The following DYNC2I1 variants were observed in gnomAD, a reference collection of about 807,000 sequenced individuals.
DYNC2I1 encodes the protein dynein 2 intermediate chain 1.
DYNC2I1 carries 89 observed loss-of-function variants against 133.4 expected under a neutral mutation model. The ratio of observed to expected loss-of-function variants is 0.67; its 90% CI spans 0.56 to 0.80. The LOEUF (loss-of-function observed/expected upper bound fraction) is 0.80, where lower values mean the gene tolerates loss of function less well. Among genes scored for constraint, DYNC2I1 ranks in the 30% least tolerant of loss-of-function variants. The probability of loss-of-function intolerance (pLI) is 0.00; values close to 1 mark genes in which losing one functional copy is unlikely to be tolerated. For missense variants in DYNC2I1, 1,291 were observed against 1,314.5 expected, an observed-to-expected ratio of 0.98 and a Z score of 0.28; for synonymous variants, 504 against 484.3, an observed-to-expected ratio of 1.04 and a Z score of -0.54.
At chr7:158,889,507 ATTTCT>A (rs1844976825) in intron 7 of DYNC2I1, among the ~76,000 whole-genome samples, 1 of 151,980 alleles carries the variant, frequency 6.6e-6, no homozygotes, top group Non-Finnish European at 1.5e-5. Context: ...AAACGTATAG[ATTTCT>A]TTTCCTATTT....
chr7:158,952,370 C>T (rs944202553), intron 4 of DYNC2I1, among the ~76,000 whole-genome samples: 1 of 152,146 alleles, frequency 6.6e-6, no homozygotes, highest in Admixed American at 6.5e-5. Context: ...TCCCGCCTAC[C>T]TGAATTGGTA....
chr7:158,916,197 G>A (rs1848251067), intron 14 of DYNC2I1, among the ~76,000 whole-genome samples: 1 of 82,416 alleles, frequency 1.2e-5, no homozygotes, highest in South Asian at 3.4e-4. Flanking sequence ...TTGACATTAA[G>A]GATGATTGTG....
chr7:158,892,677 G>T (rs532459920), intron 8 of DYNC2I1, among the ~76,000 whole-genome samples: 1 of 151,928 alleles, frequency 6.6e-6, no homozygotes, highest in African/African-American at 2.4e-5. Flanking sequence ...CAGGTGTGAT[G>T]GCTCACCCCT....
intron 8 of DYNC2I1, among the ~76,000 whole-genome samples, chr7:158,897,046 C>T (rs201693825): frequency 8.0e-5 from 12 of 149,682 alleles, no homozygotes; most frequent in East Asian, 7.9e-4. Flanking sequence ...TGCAGTGGCA[C>T]GGTCTCAGAT....
intron 21 of DYNC2I1, among the ~76,000 whole-genome samples, chr7:158,933,752 A>C (rs1850461183): frequency 6.6e-6 from 1 of 152,250 alleles, no homozygotes. Flanking sequence ...ATGAGCTCAC[A>C]ACTACAAGCA....
intron 7 of DYNC2I1, 94 bp from the exon 8 acceptor site, chr7:158,891,171 G>A: frequency 7.2e-7 from 1 of 1,379,998 alleles, no homozygotes. Flanking sequence ...AGGGCTGGCG[G>A]GCTCCGCAGT....
the DYNC2I1 span, among the ~76,000 whole-genome samples, chr7:158,842,642 G>A: frequency 2.0e-5 from 3 of 152,306 alleles, no homozygotes; most frequent in Non-Finnish European, 2.9e-5. Flanking sequence ...CTTCCTTTTC[G>A]CTCATGTCAA....
chr7:158,926,123 GA>G (rs1849595694), intron 17 of DYNC2I1, 63 bp from the exon 18 acceptor site: 1 of 1,273,540 alleles, frequency 7.9e-7, no homozygotes, highest in Admixed American at 1.9e-5. Context: ...GTCCCTGTGT[GA>G]TGCGAACTGC....
Position 158,901,741 on chromosome 7 carries a change from A to T in DYNC2I1, c.1062A>T (p.Glu354Asp), listed in dbSNP as rs1270614973. The T allele has an allele frequency of 1.9e-6, 3 of 1,568,470 alleles. No individual in the cohort carries two copies. The Admixed American group carries it at 5.8e-5, about 30-fold the overall frequency. Reference sequence around the variant, plus strand: ...TTGTGTTTGATTTTTACCTCTAGGAAATTGAAAAGGAAGAAACTGATTTAG... The same window carrying T: ...TTGTGTTTGATTTTTACCTCTAGGATATTGAAAAGGAAGAAACTGATTTAG... ...DQRPGGEETV[E>D]IEKEETDLEN... Residue 354 changes from glutamate (E) to aspartate (D), a missense_variant and splice_region_variant, in exon 9 of 25, where the codon GAA (glutamate) becomes GAT (aspartate). Glu to Asp is a conservative substitution (Grantham distance 45). Transcript: ENST00000407559.
At chr7:158,924,669 A>G (rs1667668224) in intron 17 of DYNC2I1, among the ~76,000 whole-genome samples, 1 of 152,200 alleles carries the variant, frequency 6.6e-6, no homozygotes, top group African/African-American at 2.4e-5. Context: ...TGCTGCTATT[A>G]CTAAAAAATT....
chr7:158,886,097 A>G (rs2129480464), intron 6 of DYNC2I1, among the ~76,000 whole-genome samples: 1 of 150,674 alleles, frequency 6.6e-6, no homozygotes, highest in East Asian at 1.9e-4. Context: ...AGTATTTCAG[A>G]TAGACCAATA....
intron 5 of DYNC2I1, among the ~76,000 whole-genome samples, chr7:158,880,463 G>A (rs1458281121): frequency 6.6e-6 from 1 of 152,070 alleles, no homozygotes; most frequent in East Asian, 1.9e-4. Flanking sequence ...CTGGAATCTG[G>A]GAAGGAGAAT....
In DYNC2I1 at chr7:158,871,444, A is replaced by G. The variant is rs1842866192; in HGVS notation, c.372A>G (p.Glu124=). The change falls in exon 3 of 25, where the codon GAA becomes GAG. Residue 124 remains glutamate, a synonymous_variant. Coordinates refer to ENST00000407559, the MANE Select transcript of DYNC2I1 (RefSeq NM_018051.5). The part of the protein sequence containing the change: ...SHSRGKDREK[E]KDRRARKEEL... ...GCAGAGGAAAGGACAGGGAAAAAGA[A>G]AAAGACAGAAGGGCCCGGAAGGAAG... 3 of 1,550,934 alleles carry G rather than the reference A, an allele frequency of 1.9e-6. No individual in the cohort carries two copies. Among genetic ancestry groups the G allele is most frequent in the Non-Finnish European group, 2.6e-6 (3 of 1,146,972 alleles).
intron 3 of DYNC2I1, among the ~76,000 whole-genome samples, chr7:158,876,321 C>G (rs1174848367): frequency 1.3e-5 from 2 of 152,176 alleles, no homozygotes; most frequent in African/African-American, 4.8e-5. Flanking sequence ...TCACCTCCCA[C>G]CAGGTCCCAC....
chr7:158,958,563 G>A (rs753492676), downstream of DYNC2I1, among the ~76,000 whole-genome samples: 1 of 152,222 alleles, frequency 6.6e-6, no homozygotes, highest in African/African-American at 2.4e-5. Flanking sequence ...TAGTTCAGGG[G>A]TGGGGTTTAA....
rs915870443 is a variant in DYNC2I1, at chr7:158,914,228, T to C, written c.1703-5T>C. On this transcript the variant is annotated splice_polypyrimidine_tract_variant and splice_region_variant and intron_variant, in intron 13 of 24. Transcript: ENST00000407559. ...CGTTGATTTTATATAAACTGTTTTTTTTAGGCAGTGAACAAAGAGATACCT... is the reference window on the plus strand; with the variant it reads ...CGTTGATTTTATATAAACTGTTTTTCTTAGGCAGTGAACAAAGAGATACCT... The C allele has an allele frequency of 6.2e-7, 1 of 1,606,844 alleles. No individual in the cohort carries two copies. The highest frequency in any genetic ancestry group is 8.5e-7 in the Non-Finnish European group (1 of 1,176,126).
At chr7:158,854,422 G>A (rs1048147945), upstream of DYNC2I1, among the ~76,000 whole-genome samples, 1 of 146,642 alleles carries the variant, frequency 6.8e-6, no homozygotes, top group African/African-American at 2.5e-5. Context: ...AACACCGCAT[G>A]TTCTCACTCA....
At chr7:158,850,655 T>C in the DYNC2I1 span, among the ~76,000 whole-genome samples, 1 of 152,208 alleles carries the variant, frequency 6.6e-6, no homozygotes, top group Non-Finnish European at 1.5e-5. Context: ...CTGTGGAGCA[T>C]TTACTGGGGC....
the DYNC2I1 span, among the ~76,000 whole-genome samples, chr7:158,847,277 T>C: frequency 1.3e-5 from 2 of 152,180 alleles, no homozygotes; most frequent in South Asian, 4.1e-4. Context: ...TTTCTGGTGG[T>C]TTATACAAAC....
Sources: allele counts gnomAD v4.1 joint callset (sites outside exome capture counted in the v4.1 genomes callset), GRCh38; gene constraint gnomAD v4.1.1; transcripts MANE v1.5; gene names NCBI Gene and HGNC (gene_info 2026-07-23, HGNC 2026-07-21).